MTMR3: variants seen among roughly 807,000 people sequenced by gnomAD.
MTMR3 encodes myotubularin related protein 3, also known as phosphatidylinositol-3,5-bisphosphate 3-phosphatase MTMR3.
MTMR3 carries 32 observed loss-of-function variants against 132.4 expected under a neutral mutation model. The observed-to-expected ratio is 0.24, with a 90% CI of 0.18 to 0.32. The LOEUF (loss-of-function observed/expected upper bound fraction) is 0.32, where lower values mean the gene tolerates loss of function less well. Among genes scored for constraint, MTMR3 ranks in the 10% least tolerant of loss-of-function variants. The pLI, the probability that MTMR3 is intolerant of heterozygous loss-of-function variation, is 1.00. For missense variants in MTMR3, 1,216 were observed against 1,489.6 expected (o/e 0.82, Z 3.02); for synonymous variants, 556 against 550.3 (o/e 1.01, Z -0.14).
At chr22:29,888,773 T>C (rs2064731262) in intron 1 of MTMR3, among the ~76,000 whole-genome samples, 1 of 73,050 alleles carries the variant, frequency 1.4e-5, no homozygotes, top group Non-Finnish European at 3.8e-5. Context: ...TAATACTTTT[T>C]TTTTTTTTTT....
chr22:30,024,200 AG>A (rs2067844666), intron 19 of MTMR3: 1 of 152,338 alleles, frequency 6.6e-6, no homozygotes. Context: ...AGGCTGAGGC[AG>A]GAGAAGAGAA....
chr22:30,025,860 A>C lies in MTMR3; in HGVS notation c.*59A>C, dbSNP rs2067901928. On this transcript the variant is annotated 3_prime_UTR_variant, in exon 20 of 20. Transcript: ENST00000401950. The stretch of plus-strand genomic sequence containing the variant: ...GCTGTTCCTATGACAGGCCCACTCA[A>C]CCTGGGCAGACCGAGAGGCCCGTGC... 6.4e-7 allele frequency: 1 copy of C among 1,574,032 alleles called. No homozygotes were observed. Among genetic ancestry groups the C allele is most frequent in the Non-Finnish European group, 8.7e-7 (1 of 1,146,890 alleles).
chr22:29,956,430 A>G (rs1021725353), intron 1 of MTMR3, among the ~76,000 whole-genome samples: 4 of 152,002 alleles, frequency 2.6e-5, no homozygotes. Context: ...TATTTTTAGT[A>G]GAGACGGGGT....
intron 9 of MTMR3, chr22:30,004,300 A>T (rs566106691): frequency 3.3e-5 from 5 of 152,320 alleles, no homozygotes; most frequent in Admixed American, 1.3e-4. Context: ...GAAAGCAGCC[A>T]GTTGCTGCTC....
intron 10 of MTMR3, 70 bp downstream of exon 10, chr22:30,007,389 T>C: frequency 7.0e-7 from 1 of 1,425,876 alleles, no homozygotes; most frequent in Non-Finnish European, 9.8e-7. Flanking sequence ...AAATGGCCTC[T>C]TCCTTACAAG....
intron 1 of MTMR3, among the ~76,000 whole-genome samples, chr22:29,914,020 G>A (rs779322273): frequency 2.0e-5 from 3 of 152,110 alleles, no homozygotes; most frequent in Non-Finnish European, 4.4e-5. Flanking sequence ...AAAGTGCTGG[G>A]ATTACAGGCA....
At chr22:29,969,262 G>C (rs1680550175) in intron 2 of MTMR3, among the ~76,000 whole-genome samples, 1 of 152,178 alleles carries the variant, frequency 6.6e-6, no homozygotes, top group South Asian at 2.1e-4. Context: ...TCAATAAATA[G>C]AAAATCCTTG....
intron 1 of MTMR3, among the ~76,000 whole-genome samples, chr22:29,931,347 T>C (rs1459428258): frequency 2.0e-5 from 3 of 152,256 alleles, no homozygotes; most frequent in Non-Finnish European, 4.4e-5. Context: ...TACATACATA[T>C]ATTGCTTTGA....
intron 16 of MTMR3, 128 bp downstream of exon 16, chr22:30,018,200 GT>G (rs1401319796): frequency 3.7e-6 from 4 of 1,071,212 alleles, no homozygotes; most frequent in Non-Finnish European, 5.0e-6. Flanking sequence ...GGTCTCTGCA[GT>G]TTTTTCAGGG....
chr22:30,012,577 A>G lies in MTMR3; in HGVS notation c.1317+14A>G, dbSNP rs776148298. 1 of 1,585,320 alleles carries G rather than the reference A, an allele frequency of 6.3e-7. No individual in the cohort carries two copies. The highest frequency in any genetic ancestry group is 1.1e-5 in the South Asian group (1 of 87,564). ...CGAACCATAGAGGTGAGCCCATCCAAATGGGAGGGGTTGGTACTTCAGGAT... is the reference window on the plus strand; with the variant it reads ...CGAACCATAGAGGTGAGCCCATCCAGATGGGAGGGGTTGGTACTTCAGGAT... On this transcript the variant is annotated intron_variant, in intron 13 of 19. Coordinates refer to ENST00000401950, the MANE Select transcript of MTMR3 (RefSeq NM_021090.4).
At chr22:30,010,282 A>G (rs2067382399) in intron 12 of MTMR3, 2 of 152,184 alleles carry the variant, frequency 1.3e-5, no homozygotes, top group African/African-American at 4.8e-5. Context: ...AAAGACATGT[A>G]ATCAACACTA....
At chr22:29,916,547 C>T (rs2065311501) in intron 1 of MTMR3, among the ~76,000 whole-genome samples, 1 of 108,452 alleles carries the variant, frequency 9.2e-6, no homozygotes, top group Non-Finnish European at 1.8e-5. Context: ...CTTGTCTTCT[C>T]TCAGGGATCA....
intron 1 of MTMR3, among the ~76,000 whole-genome samples, chr22:29,927,276 C>T (rs2065535682): frequency 6.6e-6 from 1 of 152,124 alleles, no homozygotes; most frequent in Admixed American, 6.5e-5. Flanking sequence ...CAAAGATATA[C>T]TTGAGAAGTG....
chr22:29,888,389 C>T (rs183207109), intron 1 of MTMR3, among the ~76,000 whole-genome samples: 5 of 152,064 alleles, frequency 3.3e-5, no homozygotes, highest in East Asian at 3.9e-4. Flanking sequence ...AAAACTTTGT[C>T]GTCGTTGTTT....
chr22:30,022,398 GC>G, intron 18 of MTMR3: 1 of 614,844 alleles, frequency 1.6e-6, no homozygotes, highest in Non-Finnish European at 2.9e-6. Context: ...CCAGGGTGCT[GC>G]TGCCTGCTAC....
At chr22:29,991,432 A>G in intron 6 of MTMR3, 72 bp from the exon 7 acceptor site, 1 of 1,473,022 alleles carries the variant, frequency 6.8e-7, no homozygotes, top group South Asian at 1.4e-5. Context: ...GCATTCTTGA[A>G]ATAATGGCTT....
intron 1 of MTMR3, among the ~76,000 whole-genome samples, chr22:29,912,256 C>G (rs1329803009): frequency 6.6e-6 from 1 of 152,106 alleles, no homozygotes; most frequent in Non-Finnish European, 1.5e-5. Flanking sequence ...GATCAGTTTT[C>G]CTGTCTTTTT....
intron 1 of MTMR3, among the ~76,000 whole-genome samples, chr22:29,955,977 C>T (rs1444944814): frequency 5.3e-5 from 8 of 152,048 alleles, no homozygotes; most frequent in Non-Finnish European, 1.2e-4. Context: ...GTCTTGAACT[C>T]TTGACCTCAG....
chr22:29,970,974 AGACTT>A lies in MTMR3; in HGVS notation c.-84-1_-81del. The A allele has an allele frequency of 3.9e-6, 1 of 256,022 alleles. No homozygotes were observed. Among genetic ancestry groups the A allele is most frequent in the Non-Finnish European group, 7.1e-6 (1 of 141,706 alleles). 15.9% of individuals were successfully genotyped at this position (256,022 alleles called of 1,614,324 possible). On this transcript the variant is annotated splice_acceptor_variant and 5_prime_UTR_variant, in exon 3 of 20. Coordinates refer to ENST00000401950, the MANE Select transcript of MTMR3 (RefSeq NM_021090.4). LOFTEE classifies it low-confidence loss of function (5UTR_SPLICE). ...CTTCCCCCTCTTCCCCCCCACCCCC[AGACTT>A]CACCATAAGGGAAAGAAGAGAGCCT...
Sources: allele counts gnomAD v4.1 joint callset (sites outside exome capture counted in the v4.1 genomes callset), GRCh38; gene constraint gnomAD v4.1.1; transcripts MANE v1.5; gene names NCBI Gene and HGNC (gene_info 2026-07-23, HGNC 2026-07-21).